The following MTUS2 variants were observed in gnomAD, a reference collection of about 807,000 sequenced individuals.
The protein encoded by MTUS2 is microtubule associated scaffold protein 2.
In MTUS2, 40 loss-of-function variants were observed where a neutral mutation model predicts 114.1. The observed-to-expected ratio is 0.35, with a 90% confidence interval of 0.27 to 0.46. The LOEUF (loss-of-function observed/expected upper bound fraction) is 0.46. Ranked by LOEUF, MTUS2 falls within the 20% of genes least tolerant of loss-of-function variation. The probability of loss-of-function intolerance (pLI) is 1.00; values close to 1 mark genes in which losing one functional copy is unlikely to be tolerated. For synonymous variants in MTUS2, 688 were observed against 672.0 expected (o/e 1.02, Z -0.37); for missense variants, 1,679 against 1,705.4 (o/e 0.98, Z 0.27).
At chr13:29,116,414 G>C (rs571521248) in intron 5 of MTUS2, among the ~76,000 whole-genome samples, 1 of 152,210 alleles carries the variant, frequency 6.6e-6, no homozygotes, top group Admixed American at 6.5e-5. Flanking sequence ...CTTAGTCTAT[G>C]GTTCTATTAT....
At chr13:29,000,261 A>C (rs551099853) in intron 2 of MTUS2, among the ~76,000 whole-genome samples, 12 of 152,308 alleles carry the variant, frequency 7.9e-5, no homozygotes, top group African/African-American at 2.6e-4. Flanking sequence ...TGGTAATGAA[A>C]TTCTTTGACT....
At chr13:29,473,023 A>T (rs1416475444) in intron 9 of MTUS2, among the ~76,000 whole-genome samples, 6 of 152,176 alleles carry the variant, frequency 3.9e-5, no homozygotes, top group Non-Finnish European at 8.8e-5. Flanking sequence ...TTAATCTTTT[A>T]TCTAACTGTG....
intron 2 of MTUS2, among the ~76,000 whole-genome samples, chr13:28,976,330 G>A (rs1205256233): frequency 1.3e-5 from 2 of 152,108 alleles, no homozygotes; most frequent in Non-Finnish European, 2.9e-5. Context: ...AATGTTGTAT[G>A]AGAACTGCAA....
intron 5 of MTUS2, among the ~76,000 whole-genome samples, chr13:29,114,156 C>CT (rs559594959): frequency 0.011 from 1,611 of 146,992 alleles, 15 homozygotes; most frequent in Non-Finnish European, 0.014. Context: ...CTGATTAAAC[C>CT]TTTTTTTTTT....
chr13:29,119,230 C>T (rs1891210049), intron 5 of MTUS2, among the ~76,000 whole-genome samples: 1 of 152,128 alleles, frequency 6.6e-6, no homozygotes, highest in Non-Finnish European at 1.5e-5. Flanking sequence ...CATAGATACA[C>T]ATTGGACCTG....
At chr13:29,412,584 T>G (rs1473517629) in intron 8 of MTUS2, among the ~76,000 whole-genome samples, 3 of 151,650 alleles carry the variant, frequency 2.0e-5, no homozygotes, top group Non-Finnish European at 2.9e-5. Flanking sequence ...TAGGTCATAC[T>G]TAATTATTAA....
Position 29,058,197 on chromosome 13 carries a change from C to T in MTUS2, c.2446+24072C>T, listed in dbSNP as rs1264869499. On this transcript the variant is annotated intron_variant, in intron 4 of 15. Coordinates refer to ENST00000612955, the MANE Select transcript of MTUS2 (RefSeq NM_001033602.4). ...GTGAGCTTCTTTTTCTCTCTAGCTG[C>T]CTTTAACATTTTTTTTTTTTTCATT... Among the ~76,000 whole-genome samples, 5 of 134,448 alleles carry T rather than the reference C, an allele frequency of 3.7e-5. No homozygotes were observed. In the East Asian group the frequency reaches 9.0e-4, roughly 24 times the overall value. The allele number at this position is 134,448 out of a possible 152,430, so 88.2% of individuals were successfully genotyped here.
chr13:29,323,724 C>G (rs1900359227), intron 6 of MTUS2, among the ~76,000 whole-genome samples: 1 of 151,984 alleles, frequency 6.6e-6, no homozygotes, highest in Admixed American at 6.6e-5. Context: ...AGAATAAACA[C>G]AAAATTGCTA....
intron 14 of MTUS2, 43 bp downstream of exon 14, chr13:29,498,580 T>G (rs1161003335): frequency 1.9e-6 from 3 of 1,611,202 alleles, no homozygotes; most frequent in African/African-American, 2.7e-5. Flanking sequence ...TCCATGACAT[T>G]CCTGCTGTCA....
At chr13:29,467,039 C>T (rs1397129758) in intron 9 of MTUS2, among the ~76,000 whole-genome samples, 1 of 151,996 alleles carries the variant, frequency 6.6e-6, no homozygotes, top group Non-Finnish European at 1.5e-5. Context: ...ATTTGGTCTC[C>T]TACTCACCTA....
chr13:29,217,947 G>A (rs1489144590), intron 5 of MTUS2, among the ~76,000 whole-genome samples: 2 of 152,040 alleles, frequency 1.3e-5, no homozygotes, highest in Admixed American at 6.6e-5. Context: ...ATAAGACCTG[G>A]TCTCCACAAA....
chr13:29,102,155 G>A (rs1409128312), intron 5 of MTUS2, among the ~76,000 whole-genome samples: 1 of 152,132 alleles, frequency 6.6e-6, no homozygotes, highest in Admixed American at 6.5e-5. Flanking sequence ...ATGTAATAAA[G>A]AACTGTTTGC....
At chr13:29,066,501 G>A (rs1593440155) in intron 4 of MTUS2, among the ~76,000 whole-genome samples, 1 of 152,270 alleles carries the variant, frequency 6.6e-6, no homozygotes, top group Non-Finnish European at 1.5e-5. Flanking sequence ...ACTCACCTCC[G>A]ATGTTATAGT....
At position 29,128,040 on chromosome 13, in the gene MTUS2, A is replaced by G. The variant is rs114297283; in HGVS notation, c.2644+27070A>G. Among the ~76,000 whole-genome samples, 310 of 152,324 alleles carry G rather than the reference A, an allele frequency of 2.0e-3. 2 individuals are homozygous for G. The highest frequency in any genetic ancestry group is 7.1e-3 in the African/African-American group (296 of 41,572). On this transcript the variant is annotated intron_variant, in intron 5 of 15. Coordinates refer to ENST00000612955, the MANE Select transcript of MTUS2 (RefSeq NM_001033602.4). ...GCGTAATGGAGGTGCGTACAGAGGA[A>G]TTGAATGTATTAGAAAGGTGTCTAA...
chr13:29,332,883 T>A (rs944511594), intron 7 of MTUS2, among the ~76,000 whole-genome samples: 1 of 152,062 alleles, frequency 6.6e-6, no homozygotes, highest in Non-Finnish European at 1.5e-5. Flanking sequence ...GATCTGCGCG[T>A]CTCGGCCTCC....
intron 8 of MTUS2, among the ~76,000 whole-genome samples, chr13:29,385,510 C>A (rs1872574086): frequency 6.6e-6 from 1 of 152,210 alleles, no homozygotes; most frequent in African/African-American, 2.4e-5. Flanking sequence ...TCAGAAAGGG[C>A]ACAAATGGGG....
In MTUS2 at chr13:29,499,871, A is replaced by G. The variant is rs114026130; in HGVS notation, c.3799-1226A>G. ...GGTGCAGTTAATGGGGGCAGACCAG[A>G]TGATGCTGGATTGTCGCCAAGATTC... On this transcript the variant is annotated intron_variant, in intron 14 of 15. Transcript: ENST00000612955. Among the ~76,000 whole-genome samples, 603 of 152,370 alleles carry G rather than the reference A, an allele frequency of 4.0e-3. 9 individuals carry two copies. Among genetic ancestry groups the G allele is most frequent in the South Asian group, 0.026 (124 of 4,828 alleles).
intron 4 of MTUS2, among the ~76,000 whole-genome samples, chr13:29,081,386 A>G (rs906062539): frequency 1.1e-4 from 17 of 152,014 alleles, no homozygotes; most frequent in African/African-American, 4.1e-4. Flanking sequence ...AACATACTAT[A>G]TATTATTTTA....
At chr13:29,497,952 A>C (rs1882655402) in intron 13 of MTUS2, among the ~76,000 whole-genome samples, 1 of 152,212 alleles carries the variant, frequency 6.6e-6, no homozygotes, top group Non-Finnish European at 1.5e-5. Flanking sequence ...CTCCAACATG[A>C]CTTTTTCTAA....
Sources: allele counts gnomAD v4.1 joint callset (sites outside exome capture counted in the v4.1 genomes callset), GRCh38; gene constraint gnomAD v4.1.1; transcripts MANE v1.5; gene names NCBI Gene and HGNC (gene_info 2026-07-23, HGNC 2026-07-21).